ALDH6A1: variants seen among roughly 807,000 people sequenced by gnomAD.
ALDH6A1 encodes the protein aldehyde dehydrogenase 6 family member A1.
ALDH6A1 carries 43 observed loss-of-function variants against 62.6 expected under a neutral mutation model. That is an observed-to-expected ratio of 0.69 (90% CI 0.54 to 0.89). ALDH6A1 has a LOEUF of 0.89. ALDH6A1 is among the 40% of genes least tolerant of loss of function. The probability of loss-of-function intolerance (pLI) is 0.00; values close to 1 mark genes in which losing one functional copy is unlikely to be tolerated. For missense variants in ALDH6A1, 551 were observed against 661.3 expected, an observed-to-expected ratio of 0.83 and a Z score of 1.83; for synonymous variants, 194 against 234.2, an observed-to-expected ratio of 0.83 and a Z score of 1.57.
At chr14:74,078,050 G>A in intron 1 of ALDH6A1, 1 of 373,328 alleles carries the variant, frequency 2.7e-6, no homozygotes, top group Admixed American at 3.3e-5. Context: ...CCAGCTTGGG[G>A]AACATAACGA....
chr14:74,082,163 C>T (rs1209544540), intron 1 of ALDH6A1, among the ~76,000 whole-genome samples: 3 of 152,152 alleles, frequency 2.0e-5, no homozygotes, highest in African/African-American at 7.2e-5. Context: ...TGTGATTGCA[C>T]CACTGCACTC....
intron 1 of ALDH6A1, 96 bp downstream of exon 1, chr14:74,084,251 G>C: frequency 1.3e-6 from 2 of 1,578,158 alleles, no homozygotes; most frequent in Non-Finnish European, 1.7e-6. Flanking sequence ...AAAGGGGTTG[G>C]GCCAAGAAGG....
chr14:74,071,253 C>A lies in ALDH6A1; in HGVS notation c.672G>T (p.Leu224Phe), dbSNP rs757736697. ...CATCAGGGGCACCAGAATCCTGGAG[C>A]AACTTAGCAAGAAGCATAGTTGCTC... ...VPGATMLLAKLLQDSGAPDGT... is the reference protein window; with the variant it reads ...VPGATMLLAKFLQDSGAPDGT... Residue 224 changes from leucine (L) to phenylalanine (F), a missense_variant, in exon 6 of 12, where the codon TTG becomes TTT. Physicochemically the swap from Leu to Phe is conservative, Grantham distance 22. Transcript: ENST00000553458. The A allele has an allele frequency of 2.5e-6, 4 of 1,614,076 alleles. No individual in the cohort carries two copies. Among genetic ancestry groups the A allele is most frequent in the East Asian group, 2.2e-5 (1 of 44,878 alleles).
chr14:74,065,217 A>G lies in ALDH6A1; in HGVS notation c.1368T>C (p.Thr456=), dbSNP rs780590950. 60 of 1,614,054 alleles carry G rather than the reference A, an allele frequency of 3.7e-5. No homozygotes were observed. Among genetic ancestry groups the G allele is most frequent in the Non-Finnish European group, 4.9e-5 (58 of 1,180,032 alleles). The change falls in exon 10 of 12, where the codon ACT becomes ACC. Residue 456 remains threonine (T), a synonymous_variant. Coordinates refer to ENST00000553458, the MANE Select transcript of ALDH6A1 (RefSeq NM_005589.4). ...CCACCAAGTGGGCATATTTCCGAGC[A>G]GTGGCTCCATTGGTGGTGAAGATGG... ...GTAIFTTNGA[T]ARKYAHLVDV... is the part of the protein sequence containing the mutation.
chr14:74,082,043 C>T (rs1034014027), intron 1 of ALDH6A1, among the ~76,000 whole-genome samples: 13 of 152,004 alleles, frequency 8.6e-5, no homozygotes, highest in African/African-American at 3.1e-4. Context: ...CCTGTCTCTA[C>T]AAAAAATACA....
At chr14:74,061,812 G>A (rs112803624) in intron 11 of ALDH6A1, among the ~76,000 whole-genome samples, 1 of 152,008 alleles carries the variant, frequency 6.6e-6, no homozygotes, top group Non-Finnish European at 1.5e-5. Context: ...ATAAGAGTAG[G>A]CTTGAGCAAA....
intron 6 of ALDH6A1, among the ~76,000 whole-genome samples, chr14:74,070,282 G>C (rs1056427654): frequency 1.3e-5 from 2 of 152,110 alleles, no homozygotes; most frequent in Non-Finnish European, 2.9e-5. Flanking sequence ...ACTTTGGGAG[G>C]CCGAGGCGGG....
In ALDH6A1 at chr14:74,069,431, G is replaced by C. The variant is rs114032610; in HGVS notation, c.731-450C>G. Among the ~76,000 whole-genome samples the C allele has an allele frequency of 5.8e-3, 884 of 151,990 alleles. 9 individuals are homozygous for C. The highest frequency in any genetic ancestry group is 0.02 in the African/African-American group (813 of 41,504). On this transcript the variant is annotated intron_variant, in intron 6 of 11. Coordinates refer to ENST00000553458, the MANE Select transcript of ALDH6A1 (RefSeq NM_005589.4). ...TTTTTCTGTACTGGATTCTCATTGT[G>C]AAGTTCTCTCCTTGTTTCTTTTAAA...
Position 74,057,540 on chromosome 14 carries a change from G to C in ALDH6A1, c.*3102C>G, listed in dbSNP as rs575159453. Reference sequence around the variant, plus strand: ...AGCCAAAATGTGTACTATCTTTTACGTAAGAGTAAACATAGTGACCTTGTG... The same window carrying C: ...AGCCAAAATGTGTACTATCTTTTACCTAAGAGTAAACATAGTGACCTTGTG... On this transcript the variant is annotated 3_prime_UTR_variant, in exon 12 of 12. Coordinates refer to ENST00000553458, the MANE Select transcript of ALDH6A1 (RefSeq NM_005589.4). The C allele has an allele frequency of 4.5e-5, 60 of 1,340,090 alleles. No individual in the cohort carries two copies. Among genetic ancestry groups the C allele is most frequent in the Non-Finnish European group, 5.5e-5 (57 of 1,037,190 alleles). The allele number at this position is 1,340,090 out of a possible 1,614,324, so 83.0% of individuals were successfully genotyped here.
chr14:74,082,827 TAG>T (rs2139825078), intron 1 of ALDH6A1: 1 of 152,312 alleles, frequency 6.6e-6, no homozygotes, highest in Non-Finnish European at 1.5e-5. Context: ...AGAAAATACA[TAG>T]TGTCTGTTTC....
chr14:74,061,355 G>A (rs2060337242), intron 11 of ALDH6A1, among the ~76,000 whole-genome samples: 1 of 151,954 alleles, frequency 6.6e-6, no homozygotes, highest in African/African-American at 2.4e-5. Context: ...AGGCTGGAGT[G>A]CAGTGGTGTG....
rs936855445 is a variant in ALDH6A1, at chr14:74,064,837, A to G, written c.1488T>C (p.Asn496=). ...CAAAAGTTACCTGTTTGCCATAGAA[A>G]TTGGTGTCTCCCCTGAAGGAGGATC... ...GSRSSFRGDT[N]FYGKQGIQFY... The change falls in exon 11 of 12, where the codon AAT becomes AAC. Residue 496 remains asparagine (N), a synonymous_variant. Coordinates refer to ENST00000553458, the MANE Select transcript of ALDH6A1 (RefSeq NM_005589.4). 3.1e-6 allele frequency: 5 copies of G among 1,614,118 alleles called. No individual in the cohort carries two copies. The South Asian group carries it at 4.4e-5, about 14-fold the overall frequency.
chr14:74,061,324 CAG>C (rs1331790529), intron 11 of ALDH6A1, among the ~76,000 whole-genome samples: 1 of 133,200 alleles, frequency 7.5e-6, no homozygotes, highest in African/African-American at 2.7e-5. Context: ...TATTTTGAGA[CAG>C]AGTCTTGCTC....
chr14:74,063,372 A>T (rs1241758825), intron 11 of ALDH6A1, among the ~76,000 whole-genome samples: 2 of 150,988 alleles, frequency 1.3e-5, no homozygotes, highest in African/African-American at 4.9e-5. Flanking sequence ...TTTTTAGTAG[A>T]GGGGGTTTTG....
chr14:74,079,429 GTT>G (rs112520921), intron 1 of ALDH6A1, among the ~76,000 whole-genome samples: 8 of 135,272 alleles, frequency 5.9e-5, no homozygotes, highest in South Asian at 4.6e-4. Context: ...TTTTCTTATT[GTT>G]TTTTTTTTTT....
rs756813105 is a variant in ALDH6A1, at chr14:74,071,969, T to G, written c.354A>C (p.Glu118Asp). The change falls in exon 5 of 12, where the codon GAA becomes GAC. Residue 118 changes from glutamate (E) to aspartate (D), a missense_variant. Coordinates refer to ENST00000553458, the MANE Select transcript of ALDH6A1 (RefSeq NM_005589.4). The stretch of plus-strand genomic sequence containing the variant: ...GTTCCAATGTGATTAACTTGGCAAT[T>G]TCTTTCTAGAGAGAAGACACACAAA... Reference protein sequence around the residue: ...YQQLIKENLKEIAKLITLEQG... With the variant: ...YQQLIKENLKDIAKLITLEQG... The G allele has an allele frequency of 3.7e-6, 6 of 1,613,988 alleles. No individual in the cohort carries two copies. In the South Asian group the frequency reaches 5.5e-5, roughly 15 times the overall value.
In ALDH6A1 at chr14:74,059,772, C is replaced by G. The variant is rs564781610; in HGVS notation, c.*870G>C. ...TAATTAATGATTGCTGAAGAGAACC[C>G]TGAAACTTAGTACTTGGCACATATA... On this transcript the variant is annotated 3_prime_UTR_variant, in exon 12 of 12. Transcript: ENST00000553458. 1.2e-5 allele frequency: 2 copies of G among 160,118 alleles called. No homozygotes were observed. Among genetic ancestry groups the G allele is most frequent in the African/African-American group, 4.8e-5 (2 of 41,614 alleles). The allele number at this position is 160,118 out of a possible 1,614,324, so 9.9% of individuals were successfully genotyped here.
rs767465021 is a variant in ALDH6A1 at position 74,084,364 on chromosome 14, G to C, written c.31C>G (p.Arg11Gly). 1 of 1,612,990 alleles carries C rather than the reference G, an allele frequency of 6.2e-7. No homozygotes were observed. The highest frequency in any genetic ancestry group is 8.5e-7 in the Non-Finnish European group (1 of 1,179,826). The part of the protein sequence containing the change: MAALLAAAAV[R>G]ARILQVSSKV... Reference sequence around the variant, plus strand: ...TCACTCGCCTGCAGGATCCGGGCTCGCACTGCCGCCGCCGCCAATAGCGCC... The same window carrying C: ...TCACTCGCCTGCAGGATCCGGGCTCCCACTGCCGCCGCCGCCAATAGCGCC... Residue 11 changes from arginine to glycine, a missense_variant, in exon 1 of 12, where the codon CGA (arginine) becomes GGA (glycine). Transcript: ENST00000553458.
At chr14:74,075,523 G>A (rs1480522919) in intron 1 of ALDH6A1, among the ~76,000 whole-genome samples, 1 of 152,032 alleles carries the variant, frequency 6.6e-6, no homozygotes, top group Non-Finnish European at 1.5e-5. Flanking sequence ...AGGCAGTGGT[G>A]GCACATGCCT....
Sources: allele counts gnomAD v4.1 joint callset (sites outside exome capture counted in the v4.1 genomes callset), GRCh38; gene constraint gnomAD v4.1.1; transcripts MANE v1.5; gene names NCBI Gene and HGNC (gene_info 2026-07-23, HGNC 2026-07-21).